EMCN: variants seen among roughly 807,000 people sequenced by gnomAD.
EMCN encodes the protein endomucin.
In EMCN, 37 loss-of-function variants were observed where a neutral mutation model predicts 38.4. That is an observed-to-expected ratio of 0.96 (90% CI 0.74 to 1.27). The LOEUF (loss-of-function observed/expected upper bound fraction) is 1.27, where lower values mean the gene tolerates loss of function less well. EMCN is among the 50% of genes most tolerant of loss of function. The pLI is 0.00. For synonymous variants in EMCN, 95 were observed against 100.8 expected, an observed-to-expected ratio of 0.94 and a Z score of 0.35; for missense variants, 318 against 302.8, an observed-to-expected ratio of 1.05 and a Z score of -0.37.
chr4:100,477,712 TG>T (rs1370875898), intron 2 of EMCN, among the ~76,000 whole-genome samples: 1 of 152,214 alleles, frequency 6.6e-6, no homozygotes, highest in East Asian at 1.9e-4. Context: ...TGTGTTTTTT[TG>T]GTAAATACTT....
intron 3 of EMCN, chr4:100,474,074 A>G (rs1212256897): frequency 1.3e-5 from 2 of 152,208 alleles, no homozygotes; most frequent in African/African-American, 4.8e-5. Flanking sequence ...AAATTAAAAG[A>G]TAACCTATAG....
chr4:100,438,485 AAC>A (rs1294461310), intron 5 of EMCN, among the ~76,000 whole-genome samples: 1 of 152,068 alleles, frequency 6.6e-6, no homozygotes, highest in African/African-American at 2.4e-5. Context: ...TATTAGTTCT[AAC>A]AGTTTTTTCT....
At position 100,455,997 on chromosome 4, in the gene EMCN, G is replaced by A. The variant is rs558621200; in HGVS notation, c.377-8426C>T. On this transcript the variant is annotated intron_variant, in intron 4 of 11. Coordinates refer to ENST00000296420, the MANE Select transcript of EMCN (RefSeq NM_016242.4). Reference sequence around the variant, plus strand: ...TTTTGTAGAGACAGGGTTTCACCACGTTGTCCAGGCTGGTCTCAAACTCCT... The same window carrying A: ...TTTTGTAGAGACAGGGTTTCACCACATTGTCCAGGCTGGTCTCAAACTCCT... Among the ~76,000 whole-genome samples, 5 of 152,114 alleles carry A rather than the reference G, an allele frequency of 3.3e-5. No homozygotes were observed. The East Asian group carries it at 7.8e-4, about 24-fold the overall frequency.
chr4:100,396,993 T>C lies in EMCN; in HGVS notation c.*1420A>G, dbSNP rs191817459. ...TTCTCAAAGAGACACCAGTCAGAAA[T>C]ATAGATATGCTTATGCTTGCTTGGT... On this transcript the variant is annotated 3_prime_UTR_variant, in exon 12 of 12. Transcript: ENST00000296420. The C allele has an allele frequency of 6.6e-6, 1 of 151,640 alleles. No homozygotes were observed. Among genetic ancestry groups the C allele is most frequent in the African/African-American group, 2.4e-5 (1 of 41,350 alleles). 9.4% of individuals were successfully genotyped at this position (151,640 alleles called of 1,614,324 possible). A position where few individuals can be genotyped will look rare whatever the true frequency, so the allele number is the denominator to read the frequency against.
intron 4 of EMCN, among the ~76,000 whole-genome samples, chr4:100,464,590 T>A (rs1371652788): frequency 2.0e-5 from 3 of 152,074 alleles, no homozygotes; most frequent in Non-Finnish European, 4.4e-5. Flanking sequence ...TATTGAGAGT[T>A]TTTAATATGA....
At chr4:100,479,853 G>T in intron 2 of EMCN, 64 bp downstream of exon 2, 2 of 1,328,736 alleles carry the variant, frequency 1.5e-6, no homozygotes, top group Admixed American at 2.2e-5. Context: ...TCATACTGAT[G>T]TATATACATA....
At chr4:100,515,819 C>T (rs1729739989) in intron 1 of EMCN, among the ~76,000 whole-genome samples, 1 of 151,910 alleles carries the variant, frequency 6.6e-6, no homozygotes, top group African/African-American at 2.4e-5. Flanking sequence ...GCTTTCTTCC[C>T]TGTGCCCAAT....
At chr4:100,466,434 C>T (rs1728318447) in intron 3 of EMCN, among the ~76,000 whole-genome samples, 1 of 152,176 alleles carries the variant, frequency 6.6e-6, no homozygotes, top group African/African-American at 2.4e-5. Flanking sequence ...CTGTGTAATA[C>T]AAATTCTTAG....
At chr4:100,427,045 C>A (rs1020114731) in intron 5 of EMCN, among the ~76,000 whole-genome samples, 1 of 152,064 alleles carries the variant, frequency 6.6e-6, no homozygotes, top group East Asian at 1.9e-4. Flanking sequence ...TGGTGGCTCA[C>A]GCCTGTAATC....
chr4:100,502,016 G>A (rs181305136), intron 1 of EMCN, among the ~76,000 whole-genome samples: 4 of 152,222 alleles, frequency 2.6e-5, no homozygotes, highest in East Asian at 1.9e-4. Flanking sequence ...TTTAATAGGC[G>A]AAAGAAAGAA....
intron 5 of EMCN, among the ~76,000 whole-genome samples, chr4:100,439,362 TTTTTG>T (rs1023256334): frequency 2.6e-5 from 4 of 151,952 alleles, no homozygotes; most frequent in Admixed American, 2.6e-4. Context: ...AGTTTTTGTT[TTTTTG>T]TTTTGTTTTG....
chr4:100,482,623 T>G, intron 1 of EMCN, among the ~76,000 whole-genome samples: 1 of 152,004 alleles, frequency 6.6e-6, no homozygotes, highest in East Asian at 1.9e-4. Flanking sequence ...AGGAACATAG[T>G]GCGCATGATC....
chr4:100,487,841 A>C (rs1728980162), intron 1 of EMCN, among the ~76,000 whole-genome samples: 1 of 152,142 alleles, frequency 6.6e-6, no homozygotes, highest in South Asian at 2.1e-4. Flanking sequence ...TAAATTACTG[A>C]GTCTTGGGTA....
intron 3 of EMCN, among the ~76,000 whole-genome samples, chr4:100,474,659 T>C (rs1728584060): frequency 6.6e-6 from 1 of 152,212 alleles, no homozygotes; most frequent in South Asian, 2.1e-4. Context: ...TGCAATATTA[T>C]TTAGTAATAA....
At chr4:100,409,215 A>ATTTATTTTAT (rs3836625) in intron 11 of EMCN, among the ~76,000 whole-genome samples, 8 of 151,754 alleles carry the variant, frequency 5.3e-5, no homozygotes, top group Admixed American at 2.6e-4. Flanking sequence ...CTGGACACGT[A>ATTTATTTTAT]TTTATTTTAT....
intron 11 of EMCN, among the ~76,000 whole-genome samples, chr4:100,409,520 AT>A (rs1374114054): frequency 6.6e-6 from 1 of 152,118 alleles, no homozygotes; most frequent in Admixed American, 6.5e-5. Context: ...AGAAATTTCC[AT>A]TTTTTATTGA....
chr4:100,502,789 T>C (rs2050965468), intron 1 of EMCN, among the ~76,000 whole-genome samples: 1 of 152,198 alleles, frequency 6.6e-6, no homozygotes, highest in Admixed American at 6.5e-5. Flanking sequence ...TTATCAGCAA[T>C]AAATATTAAA....
At chr4:100,430,816 T>C (rs964316144) in intron 5 of EMCN, among the ~76,000 whole-genome samples, 3 of 152,194 alleles carry the variant, frequency 2.0e-5, no homozygotes, top group Non-Finnish European at 4.4e-5. Flanking sequence ...TTGATATATT[T>C]CTTATTCCAT....
At chr4:100,452,336 T>C (rs573835606) in intron 4 of EMCN, among the ~76,000 whole-genome samples, 2 of 152,232 alleles carry the variant, frequency 1.3e-5, no homozygotes, top group African/African-American at 4.8e-5. Context: ...TGGTTGATTA[T>C]AAATGTTATT....
Sources: allele counts gnomAD v4.1 joint callset (sites outside exome capture counted in the v4.1 genomes callset), GRCh38; gene constraint gnomAD v4.1.1; transcripts MANE v1.5; gene names NCBI Gene and HGNC (gene_info 2026-07-23, HGNC 2026-07-21).